BIRC6: variants seen among roughly 807,000 people sequenced by gnomAD.
The protein encoded by BIRC6 is baculoviral IAP repeat containing 6.
Under a neutral mutation model 503.3 loss-of-function variants are expected in BIRC6, and 98 were observed. The ratio of observed to expected loss-of-function variants is 0.19; its 90% CI spans 0.17 to 0.23. BIRC6 has a LOEUF of 0.23. Among genes scored for constraint, BIRC6 ranks in the 10% least tolerant of loss-of-function variants. The pLI, the probability that BIRC6 is intolerant of heterozygous loss-of-function variation, is 1.00. For synonymous variants in BIRC6, 2,240 were observed against 2,078.7 expected (o/e 1.08, Z -2.11); for missense variants, 5,360 against 5,806.0 (o/e 0.92, Z 2.50).
At position 32,433,690 on chromosome 2, in the gene BIRC6, T is replaced by C. The variant is rs1272322220; in HGVS notation, c.3295T>C (p.Cys1099Arg). 1 of 1,604,872 alleles carries C rather than the reference T, an allele frequency of 6.2e-7. No homozygotes were observed. The highest frequency in any genetic ancestry group is 1.7e-5 in the Admixed American group (1 of 59,906). ...ATTTGAATTAGTACTACCTAAAGCT[T>C]GTATGGTTGGACATGTGGACTTCAA... The part of the protein sequence containing the change: ...HVFELVLPKA[C>R]MVGHVDFKFV... The change falls in exon 13 of 74, where the codon TGT (cysteine) becomes CGT (arginine). Residue 1099 changes from cysteine to arginine, a missense_variant. Physicochemically the swap from Cys to Arg is radical, Grantham distance 180. Coordinates refer to ENST00000421745, the MANE Select transcript of BIRC6 (RefSeq NM_016252.4).
At position 32,430,819 on chromosome 2, in the gene BIRC6, T is replaced by C. The variant is rs6716190; in HGVS notation, c.3023-46T>C. The C allele has an allele frequency of 1.2e-4, 108 of 939,078 alleles. 1 individual carries two copies. In the African/African-American group the frequency reaches 1.7e-3, roughly 15 times the overall value. 58.2% of individuals were successfully genotyped at this position (939,078 alleles called of 1,614,324 possible). On this transcript the variant is annotated intron_variant, in intron 11 of 73. Transcript: ENST00000421745. ...TTCATTGTCTTCTTTTTTTTTTTTT[T>C]TTTTTTTCCACACCTATTTCAAATA...
intron 61 of BIRC6, among the ~76,000 whole-genome samples, chr2:32,533,560 A>G (rs2710627): frequency 0.64 from 97,535 of 152,068 alleles, 31,595 homozygotes; most frequent in African/African-American, 0.69. Context: ...ATAAGCCAAG[A>G]GTGAGGCTGG....
intron 57 of BIRC6, among the ~76,000 whole-genome samples, chr2:32,520,310 G>A (rs2149789337): frequency 6.6e-6 from 1 of 152,186 alleles, no homozygotes. Context: ...TGTCTAATAT[G>A]CATGTGCATA....
intron 38 of BIRC6, 49 bp downstream of exon 38, chr2:32,481,502 C>T: frequency 2.0e-6 from 3 of 1,500,280 alleles, no homozygotes; most frequent in South Asian, 1.3e-5. Flanking sequence ...CGCAGTGGCT[C>T]ATGCCTGTTA....
Position 32,414,934 on chromosome 2 carries a change from A to G in BIRC6, c.1643A>G (p.Lys548Arg). 3.1e-6 allele frequency: 5 copies of G among 1,614,010 alleles called. No individual in the cohort carries two copies. The highest frequency in any genetic ancestry group is 4.2e-6 in the Non-Finnish European group (5 of 1,179,886). Residue 548 changes from lysine (K) to arginine (R), a missense_variant, in exon 10 of 74, where the codon AAG (lysine) becomes AGG (arginine). Physicochemically the swap from Lys to Arg is conservative, Grantham distance 26. Transcript: ENST00000421745. ...LGANPCLTNSKSEKTKEKHQE... is the reference protein window; with the variant it reads ...LGANPCLTNSRSEKTKEKHQE... ...GCAAATCCTTGTTTAACAAACTCTAAGAGTGAAAAGACAAAGGAAAAGCAC... is the reference window on the plus strand; with the variant it reads ...GCAAATCCTTGTTTAACAAACTCTAGGAGTGAAAAGACAAAGGAAAAGCAC...
At chr2:32,531,921 T>C (rs2056794155) in intron 61 of BIRC6, among the ~76,000 whole-genome samples, 1 of 152,220 alleles carries the variant, frequency 6.6e-6, no homozygotes, top group African/African-American at 2.4e-5. Flanking sequence ...ATATGTCTTT[T>C]TGTTTACCTT....
intron 61 of BIRC6, chr2:32,532,200 T>C (rs757314261): frequency 1.9e-6 from 1 of 528,448 alleles, no homozygotes; most frequent in East Asian, 5.5e-5. Context: ...CTCTAGACTC[T>C]ATTATAGTTT....
At chr2:32,484,341 C>A (rs537518443) in intron 39 of BIRC6, among the ~76,000 whole-genome samples, 28 of 152,000 alleles carry the variant, frequency 1.8e-4, no homozygotes, top group Non-Finnish European at 3.4e-4. Flanking sequence ...CACCTGAGGT[C>A]AAGAGTTCGA....
rs758242609 is a variant in BIRC6, at chr2:32,436,109, G to A, written c.3556G>A (p.Val1186Ile). 6.0e-6 allele frequency: 9 copies of A among 1,500,868 alleles called. No individual in the cohort carries two copies. The highest frequency in any genetic ancestry group is 1.3e-5 in the South Asian group (1 of 75,436). The allele number at this position is 1,500,868 out of a possible 1,614,324, so 93.0% of individuals were successfully genotyped here. ...DHKEDILCGP[V>I]WLASGLDLSG... ...TAAAGAAGACATTCTATGTGGGCCA[G>A]TATGGCTTGCTAGTGGCCTTGATCT... is the stretch of plus-strand genomic sequence containing the variant. Residue 1186 changes from valine to isoleucine, a missense_variant, in exon 15 of 74, where the codon GTA (valine) becomes ATA (isoleucine). Physicochemically the swap from Val to Ile is conservative, Grantham distance 29. Coordinates refer to ENST00000421745, the MANE Select transcript of BIRC6 (RefSeq NM_016252.4).
At chr2:32,471,370 T>C (rs552138920) in intron 32 of BIRC6, among the ~76,000 whole-genome samples, 1 of 152,372 alleles carries the variant, frequency 6.6e-6, no homozygotes, top group African/African-American at 2.4e-5. Flanking sequence ...AATGCAGCTA[T>C]GACTTTTGCA....
intron 66 of BIRC6, among the ~76,000 whole-genome samples, chr2:32,589,644 G>T (rs2061283475): frequency 6.6e-6 from 1 of 152,076 alleles, no homozygotes; most frequent in Non-Finnish European, 1.5e-5. Context: ...TTTGATGGTG[G>T]TAAACAAGTT....
chr2:32,471,003 T>C lies in BIRC6; in HGVS notation c.6482-11T>C. On this transcript the variant is annotated splice_polypyrimidine_tract_variant and intron_variant, in intron 31 of 73. Transcript: ENST00000421745. ...TCTGGATGTTTTTCCTTTGCTGTCA[T>C]CTCTCTCCAGGAGTACTAGATATTC... is the stretch of plus-strand genomic sequence containing the variant. 6.4e-7 allele frequency: 1 copy of C among 1,558,686 alleles called. No homozygotes were observed.
chr2:32,396,341 TGGCTAGTGATAG>T (rs1338024252), intron 6 of BIRC6, among the ~76,000 whole-genome samples: 3 of 152,352 alleles, frequency 2.0e-5, no homozygotes, highest in Admixed American at 2.0e-4. Context: ...GAAGGGCATA[TGGCTAGTGATAG>T]AGCCAGGGTT....
chr2:32,498,417 T>C (rs953298339), intron 45 of BIRC6, among the ~76,000 whole-genome samples: 3 of 152,160 alleles, frequency 2.0e-5, no homozygotes. Context: ...TTAATCACAT[T>C]CCACTTTAAA....
intron 66 of BIRC6, among the ~76,000 whole-genome samples, chr2:32,583,104 G>A (rs190695079): frequency 6.6e-6 from 1 of 152,254 alleles, no homozygotes; most frequent in Admixed American, 6.5e-5. Flanking sequence ...GTAAACTAGC[G>A]CACTGCTCAA....
intron 22 of BIRC6, among the ~76,000 whole-genome samples, chr2:32,451,298 G>T (rs374588525): frequency 6.6e-6 from 1 of 151,960 alleles, no homozygotes; most frequent in Non-Finnish European, 1.5e-5. Context: ...TCATTGCCCC[G>T]TTTAGTCTTT....
chr2:32,541,566 A>G (rs1469203917), intron 61 of BIRC6, among the ~76,000 whole-genome samples: 1 of 152,128 alleles, frequency 6.6e-6, no homozygotes, highest in Admixed American at 6.5e-5. Context: ...TCATACAGGA[A>G]GCTTAGGAAT....
intron 33 of BIRC6, among the ~76,000 whole-genome samples, chr2:32,476,003 G>T (rs2049721873): frequency 6.6e-6 from 1 of 152,044 alleles, no homozygotes; most frequent in South Asian, 2.1e-4. Flanking sequence ...ACTCCCATGG[G>T]TAAGGGAGAT....
At chr2:32,577,291 G>T (rs1016181156) in intron 66 of BIRC6, among the ~76,000 whole-genome samples, 1 of 152,034 alleles carries the variant, frequency 6.6e-6, no homozygotes, top group African/African-American at 2.4e-5. Flanking sequence ...ATCTTGCCCT[G>T]TATTTCTGTA....
Sources: allele counts gnomAD v4.1 joint callset (sites outside exome capture counted in the v4.1 genomes callset), GRCh38; gene constraint gnomAD v4.1.1; transcripts MANE v1.5; gene names NCBI Gene and HGNC (gene_info 2026-07-23, HGNC 2026-07-21).